The following CNDP2 variants were observed in gnomAD, a reference collection of about 807,000 sequenced individuals.
CNDP2 encodes the protein cytosolic non-specific dipeptidase.
Under a neutral mutation model 55.0 loss-of-function variants are expected in CNDP2, and 38 were observed. That is an observed-to-expected ratio of 0.69 (90% CI 0.53 to 0.90). The LOEUF is 0.90. Among genes scored for constraint, CNDP2 ranks in the 40% least tolerant of loss-of-function variants. CNDP2 has a pLI of 0.00. For missense variants in CNDP2, 607 were observed against 621.7 expected (o/e 0.98, Z 0.25); for synonymous variants, 241 against 260.2 (o/e 0.93, Z 0.71).
chr18:74,510,854 G>A lies in CNDP2; in HGVS notation c.498G>A (p.Glu166=), dbSNP rs767782122. ...VNVRFCLEGM[E]ESGSEGLDEL... The stretch of plus-strand genomic sequence containing the variant: ...TCCGATTCTGCCTCGAAGGCATGGA[G>A]GAGTCAGGCTCTGAGGGCCTAGACG... The change falls in exon 6 of 12, where the codon GAG becomes GAA. Residue 166 remains glutamate, a synonymous_variant. Coordinates refer to ENST00000324262, the MANE Select transcript of CNDP2 (RefSeq NM_018235.3). 1.2e-6 allele frequency: 2 copies of A among 1,614,212 alleles called. No homozygotes were observed. Among genetic ancestry groups the A allele is most frequent in the South Asian group, 1.1e-5 (1 of 91,086 alleles).
In CNDP2 at chr18:74,522,958, G is replaced by C. The variant is rs1299029971; in HGVS notation, c.*2890G>C. 1 of 152,320 alleles carries C rather than the reference G, an allele frequency of 6.6e-6. No individual in the cohort carries two copies. The highest frequency in any genetic ancestry group is 1.5e-5 in the Non-Finnish European group (1 of 68,048). 9.4% of individuals were successfully genotyped at this position (152,320 alleles called of 1,614,324 possible). A position where few individuals can be genotyped will look rare whatever the true frequency, so the allele number is the denominator to read the frequency against. On this transcript the variant is annotated 3_prime_UTR_variant, in exon 12 of 12. Coordinates refer to ENST00000324262, the MANE Select transcript of CNDP2 (RefSeq NM_018235.3). ...GGGTGATCTCCCGGAGGAAATCAGA[G>C]TGGTGTTCTACTAGAAGGCCGATGA...
chr18:74,506,524 A>G (rs146003180), intron 4 of CNDP2, among the ~76,000 whole-genome samples: 13 of 152,332 alleles, frequency 8.5e-5, no homozygotes, highest in African/African-American at 2.6e-4. Context: ...TTTCCTGTGC[A>G]AATGAGCCCC....
At position 74,499,888 on chromosome 18, in the gene CNDP2, C is replaced by T. The variant is rs1978596402; in HGVS notation, c.-86C>T. On this transcript the variant is annotated 5_prime_UTR_variant, in exon 2 of 12. Transcript: ENST00000324262. The stretch of plus-strand genomic sequence containing the variant: ...ACACGTGCTTTCTGGGCAGGTCGCC[C>T]CTCAGTCTCCACTAGAGACAGGACT... The T allele has an allele frequency of 3.3e-6, 4 of 1,223,014 alleles. No homozygotes were observed. Among genetic ancestry groups the T allele is most frequent in the Non-Finnish European group, 4.7e-6 (4 of 846,052 alleles). The allele number at this position is 1,223,014 out of a possible 1,614,324, so 75.8% of individuals were successfully genotyped here.
chr18:74,516,415 G>A (rs770475951), intron 9 of CNDP2, 23 bp downstream of exon 9: 7 of 1,592,178 alleles, frequency 4.4e-6, no homozygotes, highest in Middle Eastern at 1.7e-4. Context: ...GGGACACGGG[G>A]TGGGGGCCAA....
Position 74,520,964 on chromosome 18 carries a change from C to G in CNDP2, c.*896C>G, listed in dbSNP as rs187678140. On this transcript the variant is annotated 3_prime_UTR_variant, in exon 12 of 12. Transcript: ENST00000324262. Reference sequence around the variant, plus strand: ...GAAAGAAATTAGGGCCTCCTCTGATCTCTCGCTATCTGCGGGTCCTGTCCT... The same window carrying G: ...GAAAGAAATTAGGGCCTCCTCTGATGTCTCGCTATCTGCGGGTCCTGTCCT... 1 of 152,220 alleles carries G rather than the reference C, an allele frequency of 6.6e-6. No homozygotes were observed. Among genetic ancestry groups the G allele is most frequent in the African/African-American group, 2.4e-5 (1 of 41,456 alleles). The allele number at this position is 152,220 out of a possible 1,614,324, so 9.4% of individuals were successfully genotyped here. A position where few individuals can be genotyped will look rare whatever the true frequency, so the allele number is the denominator to read the frequency against.
chr18:74,511,384 T>C (rs1979343388), intron 6 of CNDP2, among the ~76,000 whole-genome samples: 1 of 152,192 alleles, frequency 6.6e-6, no homozygotes, highest in African/African-American at 2.4e-5. Context: ...TTAGGCTCCT[T>C]ATCCCATGAC....
At chr18:74,512,245 C>A in intron 6 of CNDP2, 4 of 553,684 alleles carry the variant, frequency 7.2e-6, no homozygotes, top group Non-Finnish European at 1.3e-5. Context: ...CTGTGGTTGG[C>A]ATATGCCACA....
At position 74,520,257 on chromosome 18, in the gene CNDP2, G is replaced by A. The variant is rs913014586; in HGVS notation, c.*189G>A. The stretch of plus-strand genomic sequence containing the variant: ...GGAGCTACCCGTTGGGCTTATGAGT[G>A]ACCTGGAGTGACAGCTGAGTCACCC... On this transcript the variant is annotated 3_prime_UTR_variant, in exon 12 of 12. Transcript: ENST00000324262. 1.2e-5 allele frequency: 7 copies of A among 575,286 alleles called. No homozygotes were observed. Among genetic ancestry groups the A allele is most frequent in the Non-Finnish European group, 2.2e-5 (7 of 321,472 alleles). 35.6% of individuals were successfully genotyped at this position (575,286 alleles called of 1,614,324 possible). A position where few individuals can be genotyped will look rare whatever the true frequency, so the allele number is the denominator to read the frequency against.
At position 74,518,692 on chromosome 18, in the gene CNDP2, A is replaced by G. The variant is rs760546843; in HGVS notation, c.1210+52A>G. On this transcript the variant is annotated intron_variant, in intron 10 of 11. Transcript: ENST00000324262. The stretch of plus-strand genomic sequence containing the variant: ...CCGCGCAGGGCCCTTCGCACGTCTG[A>G]CAGGACTCTGCTATATCGCGTGGGC... 17 of 1,610,630 alleles carry G rather than the reference A, an allele frequency of 1.1e-5. No individual in the cohort carries two copies. The South Asian group carries it at 1.5e-4, about 15-fold the overall frequency.
chr18:74,509,260 G>T, intron 5 of CNDP2: 1 of 277,126 alleles, frequency 3.6e-6, no homozygotes, highest in Non-Finnish European at 6.9e-6. Flanking sequence ...TGCAGGCTCT[G>T]TCACATCACA....
chr18:74,508,761 A>G, intron 4 of CNDP2, 79 bp from the exon 5 acceptor site: 1 of 1,156,444 alleles, frequency 8.6e-7, no homozygotes, highest in Non-Finnish European at 1.3e-6. Flanking sequence ...CTAAGGGGTT[A>G]TCAGATGTGC....
Position 74,519,001 on chromosome 18 carries a change from C to T in CNDP2, c.1263C>T (p.Thr421=), listed in dbSNP as rs1400998154. The T allele has an allele frequency of 6.2e-7, 1 of 1,614,204 alleles. No individual in the cohort carries two copies. Among genetic ancestry groups the T allele is most frequent in the Admixed American group, 1.7e-5 (1 of 60,022 alleles). The change falls in exon 11 of 12, where the codon ACC becomes ACT. Residue 421 remains threonine (T), a synonymous_variant. Transcript: ENST00000324262. ...LTREGGSIPV[T]LTFQEATGKN... is the part of the protein sequence containing the mutation. ...GGGAAGGCGGCAGTATTCCCGTGAC[C>T]TTGACCTTTCAGGAGGCCACGGGCA...
chr18:74,508,865 TGATGATAAGGGCC>T lies in CNDP2; in HGVS notation c.394_406del (p.Asp132ArgfsTer6), dbSNP rs770102273. The T allele has an allele frequency of 9.9e-6, 16 of 1,614,008 alleles. No individual in the cohort carries two copies. Among genetic ancestry groups the T allele is most frequent in the African/African-American group, 1.3e-5 (1 of 74,902 alleles). On this transcript the variant is annotated frameshift_variant, in exon 5 of 12. Coordinates refer to ENST00000324262, the MANE Select transcript of CNDP2 (RefSeq NM_018235.3). LOFTEE classifies it high-confidence loss of function. ...GCAAGCTGTATGGGAGAGGTTCGAC[TGATGATAAGGGCC>T]CGGTGGCCGGCTGGATAAACGCCCT...
chr18:74,501,549 T>G (rs1978701342), intron 3 of CNDP2, 77 bp downstream of exon 3: 1 of 1,503,730 alleles, frequency 6.7e-7, no homozygotes, highest in Non-Finnish European at 8.9e-7. Context: ...CCACAAGTTC[T>G]TAAAAGATCT....
At chr18:74,499,627 C>A in intron 1 of CNDP2, 1 of 266,288 alleles carries the variant, frequency 3.8e-6, no homozygotes, top group Admixed American at 5.0e-5. Flanking sequence ...ACTAAAAGTG[C>A]CTACTTTTAG....
At chr18:74,511,219 C>T (rs530575014) in intron 6 of CNDP2, 3 of 590,704 alleles carry the variant, frequency 5.1e-6, no homozygotes, top group African/African-American at 1.9e-5. Context: ...AAGTTAATCT[C>T]ACAGCAGCAT....
intron 9 of CNDP2, 97 bp from the exon 10 acceptor site, chr18:74,518,402 C>G (rs753896988): frequency 9.9e-6 from 14 of 1,419,746 alleles, no homozygotes; most frequent in Admixed American, 1.8e-5. Flanking sequence ...ATTGTAAGCT[C>G]GCTGTAGACC....
intron 11 of CNDP2, 49 bp downstream of exon 11, chr18:74,519,145 C>G (rs1979906039): frequency 6.5e-7 from 1 of 1,541,506 alleles, no homozygotes; most frequent in Admixed American, 1.9e-5. Context: ...CACAGCGTCC[C>G]TCTCGCCCCT....
Position 74,505,872 on chromosome 18 carries a change from G to T in CNDP2, c.228G>T (p.Pro76=). ...AGCTCCCTGATGGCTCGGAGATCCCGCTCCCTCCTATTCTGCTCGGCAGGC... is the reference window on the plus strand; with the variant it reads ...AGCTCCCTGATGGCTCGGAGATCCCTCTCCCTCCTATTCTGCTCGGCAGGC... The part of the protein sequence containing the change: ...KQKLPDGSEI[P]LPPILLGRLG... Residue 76 remains proline, a synonymous_variant, in exon 4 of 12, where the codon CCG becomes CCT. Transcript: ENST00000324262. The T allele has an allele frequency of 4.3e-6, 7 of 1,611,010 alleles. No individual in the cohort carries two copies. The highest frequency in any genetic ancestry group is 5.9e-6 in the Non-Finnish European group (7 of 1,178,996).
Sources: allele counts gnomAD v4.1 joint callset (sites outside exome capture counted in the v4.1 genomes callset), GRCh38; gene constraint gnomAD v4.1.1; transcripts MANE v1.5; gene names NCBI Gene and HGNC (gene_info 2026-07-23, HGNC 2026-07-21).